Variants in MAPK10 observed in about 807,000 individuals in gnomAD.
MAPK10 encodes JNK3 alpha protein kinase.
MAPK10 carries 25 observed loss-of-function variants against 59.3 expected under a neutral mutation model. The ratio of observed to expected loss-of-function variants is 0.42; its 90% CI spans 0.31 to 0.59. The LOEUF (loss-of-function observed/expected upper bound fraction) is 0.59. Ranked by LOEUF, MAPK10 falls within the 20% of genes least tolerant of loss-of-function variation. The pLI is 0.15. For missense variants in MAPK10, 351 were observed against 568.9 expected, an observed-to-expected ratio of 0.62 and a Z score of 3.90; for synonymous variants, 190 against 200.5, an observed-to-expected ratio of 0.95 and a Z score of 0.44.
At chr4:86,310,694 G>A (rs1469666190) in intron 2 of MAPK10, among the ~76,000 whole-genome samples, 6 of 152,026 alleles carry the variant, frequency 3.9e-5, no homozygotes, top group Admixed American at 2.6e-4. Context: ...CTAAACTTGA[G>A]TCTTATTTTT....
At chr4:86,256,500 A>G (rs1236482932) in intron 2 of MAPK10, among the ~76,000 whole-genome samples, 1 of 152,178 alleles carries the variant, frequency 6.6e-6, no homozygotes, top group African/African-American at 2.4e-5. Context: ...CATTAAAATT[A>G]GAGAAAAAAA....
chr4:86,379,412 T>C lies in MAPK10; in HGVS notation c.-121-24768A>G, dbSNP rs554433990. On this transcript the variant is annotated intron_variant, in intron 1 of 13. Transcript: ENST00000361569. ...CCTTTTTGTTACTGAACTTCTTTTC[T>C]GTTGGGAATAGGCCCCCAAAATCTC... 5.9e-5 allele frequency among the ~76,000 whole-genome samples: 9 copies of C among 152,364 alleles called. No homozygotes were observed. In the South Asian group the frequency reaches 1.0e-3, roughly 18 times the overall value.
chr4:86,017,322 T>C lies in MAPK10; in HGVS notation c.1301A>G (p.Asn434Ser), dbSNP rs1743739720. The C allele has an allele frequency of 6.2e-7, 1 of 1,614,152 alleles. No individual in the cohort carries two copies. Among genetic ancestry groups the C allele is most frequent in the Non-Finnish European group, 8.5e-7 (1 of 1,180,010 alleles). Residue 434 changes from asparagine (N) to serine (S), a missense_variant, in exon 14 of 14, where the codon AAT (asparagine) becomes AGT (serine). By Grantham distance (46) the Asn-to-Ser change is conservative (BLOSUM62 1). This residue lies in a region of MAPK10 where 155 missense variants were observed against 204.2 expected (regional missense o/e 0.76). Coordinates refer to ENST00000641462, the MANE Select transcript of MAPK10 (RefSeq NM_138982.4). This position sits in a 1 kb window ranked among gnomAD's most constrained non-coding sequence, Gnocchi z 4.4. The part of the protein sequence containing the change: ...SESLPPSSSV[N>S]DISSMSTDQT... The stretch of plus-strand genomic sequence containing the variant: ...GTCGGTGGACATGGAGGAGATGTCA[T>C]TGACAGACGAGGATGGAGGGAGACT...
chr4:86,066,448 A>G (rs1393335700), intron 10 of MAPK10, among the ~76,000 whole-genome samples: 3 of 152,118 alleles, frequency 2.0e-5, no homozygotes, highest in Admixed American at 6.5e-5. Flanking sequence ...CATCAAATCT[A>G]TCCATTTTTC....
At chr4:86,085,099 A>AGAT (rs548824814) in intron 9 of MAPK10, among the ~76,000 whole-genome samples, 6 of 152,250 alleles carry the variant, frequency 3.9e-5, no homozygotes, top group Non-Finnish European at 7.3e-5. Context: ...GATCCAATCA[A>AGAT]GATGAATTAA....
At chr4:86,057,231 C>T (rs538147511) in intron 11 of MAPK10, among the ~76,000 whole-genome samples, 1 of 149,974 alleles carries the variant, frequency 6.7e-6, no homozygotes, top group Non-Finnish European at 1.5e-5. Flanking sequence ...GTGTGAGCCA[C>T]TGTGCCCAGC....
At chr4:86,244,205 A>G (rs1394192980) in intron 2 of MAPK10, among the ~76,000 whole-genome samples, 1 of 152,200 alleles carries the variant, frequency 6.6e-6, no homozygotes, top group African/African-American at 2.4e-5. Context: ...AAAGGAGGAG[A>G]GACAAAGTCT....
chr4:86,434,998 G>A (rs944774316), intron 1 of MAPK10, among the ~76,000 whole-genome samples: 4 of 152,164 alleles, frequency 2.6e-5, no homozygotes, highest in Admixed American at 1.3e-4. Context: ...CAGCAACATG[G>A]ACGAAACTGG....
intron 1 of MAPK10, among the ~76,000 whole-genome samples, chr4:86,463,620 T>C (rs566019426): frequency 6.6e-6 from 1 of 152,306 alleles, no homozygotes; most frequent in African/African-American, 2.4e-5. Flanking sequence ...CCTTAGTAAA[T>C]GATATTACCA....
intron 2 of MAPK10, among the ~76,000 whole-genome samples, chr4:86,248,792 A>G (rs973391295): frequency 6.6e-6 from 1 of 152,236 alleles, no homozygotes; most frequent in African/African-American, 2.4e-5. Flanking sequence ...AAAGAGCAGT[A>G]ATATCATTAT....
upstream of MAPK10, chr4:86,453,506 C>T (rs1750962127): frequency 6.6e-6 from 1 of 152,218 alleles, no homozygotes; most frequent in Non-Finnish European, 1.5e-5. Context: ...AGCTGCATGA[C>T]ACAGCAAAGG....
At chr4:86,142,940 A>G (rs748111122) in intron 4 of MAPK10, among the ~76,000 whole-genome samples, 4 of 152,202 alleles carry the variant, frequency 2.6e-5, no homozygotes, top group Non-Finnish European at 5.9e-5. Context: ...AGAAATATTC[A>G]ACTTCTAGGT....
chr4:86,274,084 A>G (rs139907848), intron 2 of MAPK10, among the ~76,000 whole-genome samples: 2 of 152,014 alleles, frequency 1.3e-5, no homozygotes, highest in African/African-American at 2.4e-5. Context: ...TCTTCATAAA[A>G]CTGAATTTGT....
intron 1 of MAPK10, among the ~76,000 whole-genome samples, chr4:86,555,964 T>G (rs1350642342): frequency 6.6e-6 from 1 of 152,204 alleles, no homozygotes; most frequent in Non-Finnish European, 1.5e-5. Context: ...AATTTGAAGA[T>G]CCTCATGAAT....
At chr4:86,266,512 A>C (rs1004303940) in intron 2 of MAPK10, among the ~76,000 whole-genome samples, 1 of 152,210 alleles carries the variant, frequency 6.6e-6, no homozygotes, top group Non-Finnish European at 1.5e-5. Flanking sequence ...CTGGGATGTC[A>C]GCATCCTCTA....
intron 7 of MAPK10, 103 bp from the exon 8 acceptor site, chr4:86,101,320 T>TC (rs1264631623): frequency 1.3e-6 from 1 of 753,658 alleles, no homozygotes; most frequent in Non-Finnish European, 2.2e-6. Context: ...ACTGATGAGG[T>TC]CCCCCTTGCC....
chr4:86,117,254 TAATA>T (rs1251284403), intron 4 of MAPK10, among the ~76,000 whole-genome samples: 2 of 152,166 alleles, frequency 1.3e-5, no homozygotes, highest in East Asian at 3.9e-4. Flanking sequence ...TCAATAAAAA[TAATA>T]AATACACGCA....
At chr4:86,035,149 T>C (rs541853459) in intron 11 of MAPK10, among the ~76,000 whole-genome samples, 8 of 151,646 alleles carry the variant, frequency 5.3e-5, no homozygotes, top group Admixed American at 3.9e-4. Flanking sequence ...GGTGGGTGGA[T>C]TATTTGAAGT....
At chr4:86,191,299 T>C (rs2079697338) in intron 3 of MAPK10, among the ~76,000 whole-genome samples, 1 of 152,144 alleles carries the variant, frequency 6.6e-6, no homozygotes, top group Non-Finnish European at 1.5e-5. Context: ...CTGAATATCC[T>C]TGTTAATTTT....
Sources: allele counts gnomAD v4.1 joint callset (sites outside exome capture counted in the v4.1 genomes callset), GRCh38; gene constraint gnomAD v4.1.1; regional missense constraint gnomAD v4.1.1; non-coding constraint Gnocchi (gnomAD v3.1); transcripts MANE v1.5; gene names NCBI Gene and HGNC (gene_info 2026-07-23, HGNC 2026-07-21).